Variants in CREB5 observed in about 807,000 individuals in gnomAD.
CREB5 encodes the protein cyclic AMP-responsive element-binding protein 5.
Under a neutral mutation model 57.1 loss-of-function variants are expected in CREB5, and 19 were observed. The ratio of observed to expected loss-of-function variants is 0.33; its 90% confidence interval spans 0.23 to 0.49. The LOEUF is 0.49. Among genes scored for constraint, CREB5 ranks in the 20% least tolerant of loss-of-function variants. The pLI is 0.99. For synonymous variants in CREB5, 238 were observed against 238.3 expected, an observed-to-expected ratio of 1.00 and a Z score of 0.01; for missense variants, 579 against 671.6, an observed-to-expected ratio of 0.86 and a Z score of 1.52.
chr7:28,535,972 A>G (rs1423213301), intron 4 of CREB5, among the ~76,000 whole-genome samples: 3 of 152,212 alleles, frequency 2.0e-5, no homozygotes, highest in Non-Finnish European at 4.4e-5. Context: ...AAAACACATC[A>G]GGTCAAATCA....
At chr7:28,432,757 T>C (rs1788777094) in intron 1 of CREB5, among the ~76,000 whole-genome samples, 1 of 152,216 alleles carries the variant, frequency 6.6e-6, no homozygotes, top group Non-Finnish European at 1.5e-5. Context: ...CTTTCTTCTT[T>C]TTAAAATTTA....
intron 1 of CREB5, among the ~76,000 whole-genome samples, chr7:28,417,396 T>C (rs1180020265): frequency 6.6e-6 from 1 of 151,948 alleles, no homozygotes; most frequent in African/African-American, 2.4e-5. Flanking sequence ...CCAGTGTGTA[T>C]TTCACAACTA....
chr7:28,385,141 T>C (rs7804906), intron 1 of CREB5, among the ~76,000 whole-genome samples: 150,582 of 152,312 alleles, frequency 0.99, 74,463 homozygotes, highest in East Asian at 1. Flanking sequence ...TAGCTTATAC[T>C]GACACTCAGT....
intron 4 of CREB5, among the ~76,000 whole-genome samples, chr7:28,521,602 C>T (rs1174053857): frequency 3.3e-5 from 5 of 152,154 alleles, no homozygotes; most frequent in African/African-American, 1.2e-4. Flanking sequence ...ATTTATAACC[C>T]TTCTACTGCT....
chr7:28,776,939 T>A (rs925830393), intron 7 of CREB5, among the ~76,000 whole-genome samples: 2 of 152,240 alleles, frequency 1.3e-5, no homozygotes, highest in African/African-American at 4.8e-5. Flanking sequence ...TATTCACCCA[T>A]TCATCAATTA....
chr7:28,608,892 CTTAAT>C (rs909145980), intron 5 of CREB5, among the ~76,000 whole-genome samples: 10 of 152,234 alleles, frequency 6.6e-5, no homozygotes, highest in South Asian at 4.1e-4. Context: ...CTTAAATTAT[CTTAAT>C]TTAACAGGGA....
In CREB5 at chr7:28,373,813, GA is replaced by G. The variant is rs1786764693; in HGVS notation, c.-25+74377del. ...TACGTATTCATATACATATATTCAG[GA>G]AAAATGAAAGCACTTAAAAAATAAG... On this transcript the variant is annotated intron_variant, in intron 1 of 9. Transcript: ENST00000396299. Among the ~76,000 whole-genome samples the G allele has an allele frequency of 4.0e-5, 6 of 151,360 alleles. No individual in the cohort carries two copies. In the South Asian group the frequency reaches 1.3e-3, roughly 32 times the overall value.
intron 4 of CREB5, among the ~76,000 whole-genome samples, chr7:28,566,347 A>G (rs1268425015): frequency 1.3e-5 from 2 of 152,212 alleles, no homozygotes; most frequent in Admixed American, 1.3e-4. Context: ...TCTTCATCCA[A>G]ACTGTTGATA....
intron 1 of CREB5, among the ~76,000 whole-genome samples, chr7:28,419,256 T>C (rs575878748): frequency 2.3e-4 from 35 of 152,378 alleles, no homozygotes; most frequent in African/African-American, 8.2e-4. Flanking sequence ...TACAGATTCA[T>C]TTGTTGAGCA....
intron 5 of CREB5, among the ~76,000 whole-genome samples, chr7:28,616,051 T>G (rs1387201928): frequency 6.6e-6 from 1 of 152,236 alleles, no homozygotes; most frequent in Non-Finnish European, 1.5e-5. Context: ...CTGTAGAGTT[T>G]TGTACAATCT....
chr7:28,416,301 C>T (rs1338686017), intron 1 of CREB5, among the ~76,000 whole-genome samples: 2 of 152,180 alleles, frequency 1.3e-5, no homozygotes, highest in African/African-American at 4.8e-5. Context: ...ATGCAGTCCT[C>T]TCTCTGTTGG....
intron 7 of CREB5, among the ~76,000 whole-genome samples, chr7:28,744,007 G>A (rs1263600668): frequency 1.9e-5 from 1 of 52,632 alleles, no homozygotes; most frequent in South Asian, 6.8e-4. Context: ...CCCCTCCCCC[G>A]ACCCCACCAC....
At chr7:28,493,668 G>A (rs1009471077) in intron 2 of CREB5, among the ~76,000 whole-genome samples, 3 of 152,106 alleles carry the variant, frequency 2.0e-5, no homozygotes, top group Admixed American at 6.5e-5. Context: ...TACTCAATGG[G>A]CAGAACTAGT....
intron 5 of CREB5, among the ~76,000 whole-genome samples, chr7:28,636,767 T>TTAAG (rs1257769200): frequency 6.6e-5 from 10 of 152,192 alleles, no homozygotes. Context: ...TTACCATACC[T>TTAAG]GCCTTAGTTT....
At chr7:28,752,743 G>T (rs1286658015) in intron 7 of CREB5, among the ~76,000 whole-genome samples, 1 of 152,052 alleles carries the variant, frequency 6.6e-6, no homozygotes, top group Non-Finnish European at 1.5e-5. Flanking sequence ...GCCTCTTTTA[G>T]GACAATGTTT....
At chr7:28,614,133 G>T (rs1313023831) in intron 5 of CREB5, among the ~76,000 whole-genome samples, 2 of 151,918 alleles carry the variant, frequency 1.3e-5, no homozygotes, top group Non-Finnish European at 2.9e-5. Context: ...CTAATTTTTT[G>T]TATGTTTATA....
intron 1 of CREB5, among the ~76,000 whole-genome samples, chr7:28,346,065 G>A (rs1277209262): frequency 2.6e-5 from 4 of 152,278 alleles, no homozygotes; most frequent in Admixed American, 2.0e-4. Flanking sequence ...TGGGTTTACT[G>A]GGGAAGTAGA....
chr7:28,312,452 G>A (rs142317658), intron 1 of CREB5, among the ~76,000 whole-genome samples: 205 of 152,312 alleles, frequency 1.3e-3, no homozygotes, highest in African/African-American at 4.9e-3. Context: ...GACAAGACCG[G>A]TGCAGCCAGA....
At chr7:28,622,214 AAT>A (rs1797824244) in intron 5 of CREB5, among the ~76,000 whole-genome samples, 1 of 151,408 alleles carries the variant, frequency 6.6e-6, no homozygotes, top group Non-Finnish European at 1.5e-5. Flanking sequence ...CTCTTTCCGC[AAT>A]GTGAATTCTT....
Sources: gnomAD v4.1 joint callset for allele counts (sites outside exome capture counted in the v4.1 genomes callset) on GRCh38, gnomAD v4.1.1 for gene constraint, MANE v1.5 for transcripts, NCBI Gene and HGNC (gene_info 2026-07-23, HGNC 2026-07-21) for gene names.